Variants in SSBP2 observed in about 807,000 individuals in gnomAD.
The protein encoded by SSBP2 is single-stranded DNA-binding protein 2.
In SSBP2, 17 loss-of-function variants were observed where a neutral mutation model predicts 61.8. The ratio of observed to expected loss-of-function variants is 0.28; its 90% confidence interval spans 0.19 to 0.41. SSBP2 has a LOEUF of 0.41. SSBP2 is among the 10% of genes least tolerant of loss of function. The pLI, the probability that SSBP2 is intolerant of heterozygous loss-of-function variation, is 1.00. For synonymous variants in SSBP2, 139 were observed against 141.3 expected, an observed-to-expected ratio of 0.98 and a Z score of 0.12; for missense variants, 310 against 458.7, an observed-to-expected ratio of 0.68 and a Z score of 2.96.
intron 16 of SSBP2, among the ~76,000 whole-genome samples, chr5:81,424,832 A>C (rs1377952264): frequency 6.6e-6 from 1 of 152,210 alleles, no homozygotes; most frequent in African/African-American, 2.4e-5. Context: ...GAGACATAAA[A>C]TATTCATGGT....
chr5:81,600,210 A>G (rs560590021), intron 4 of SSBP2, among the ~76,000 whole-genome samples: 2 of 152,304 alleles, frequency 1.3e-5, no homozygotes, highest in Admixed American at 6.5e-5. Context: ...CCTGTGGATC[A>G]CAAATAATGC....
chr5:81,466,445 T>C (rs1452345135), intron 9 of SSBP2, among the ~76,000 whole-genome samples: 1 of 152,068 alleles, frequency 6.6e-6, no homozygotes, highest in African/African-American at 2.4e-5. Flanking sequence ...ATAGAGATTA[T>C]AGTATACTAC....
At chr5:81,506,678 TTAACTA>T (rs533422492) in intron 5 of SSBP2, among the ~76,000 whole-genome samples, 137 of 152,254 alleles carry the variant, frequency 9.0e-4, no homozygotes, top group African/African-American at 3.2e-3. Context: ...TGTAGATTAT[TTAACTA>T]TATGTATATA....
chr5:81,478,756 C>T (rs1765768239), intron 6 of SSBP2, among the ~76,000 whole-genome samples: 1 of 152,190 alleles, frequency 6.6e-6, no homozygotes, highest in South Asian at 2.1e-4. Context: ...TAGGTGTAAA[C>T]CACCATGCCT....
chr5:81,496,447 T>A (rs1767286056), intron 5 of SSBP2, among the ~76,000 whole-genome samples: 1 of 152,178 alleles, frequency 6.6e-6, no homozygotes, highest in African/African-American at 2.4e-5. Flanking sequence ...CCCAAAGTAC[T>A]GGGATTACAG....
At chr5:81,600,892 T>C (rs1305880487) in intron 4 of SSBP2, among the ~76,000 whole-genome samples, 1 of 152,330 alleles carries the variant, frequency 6.6e-6, no homozygotes, top group African/African-American at 2.4e-5. Flanking sequence ...GCCTTCTTTA[T>C]AACTTTTCAG....
intron 15 of SSBP2, among the ~76,000 whole-genome samples, chr5:81,430,968 G>GA (rs1157703979): frequency 6.6e-6 from 1 of 152,174 alleles, no homozygotes; most frequent in Non-Finnish European, 1.5e-5. Flanking sequence ...GAAATCTTAA[G>GA]AAAATTGTGC....
At chr5:81,668,335 T>A (rs1751334959) in intron 1 of SSBP2, among the ~76,000 whole-genome samples, 1 of 150,220 alleles carries the variant, frequency 6.7e-6, no homozygotes, top group African/African-American at 2.5e-5. Context: ...AACACAGAAT[T>A]AACATTTCTT....
intron 4 of SSBP2, among the ~76,000 whole-genome samples, chr5:81,554,176 A>T (rs1045793425): frequency 6.6e-6 from 1 of 152,106 alleles, no homozygotes; most frequent in African/African-American, 2.4e-5. Flanking sequence ...CATCTGACAC[A>T]TCTATGGCCA....
At chr5:81,573,935 T>C (rs1008015949) in intron 4 of SSBP2, among the ~76,000 whole-genome samples, 2 of 151,916 alleles carry the variant, frequency 1.3e-5, no homozygotes, top group African/African-American at 4.8e-5. Context: ...GGTCAGGAGA[T>C]TGAGACCATC....
rs986023512 is a variant in SSBP2, at chr5:81,627,534, T to C, written c.197+9023A>G. ...CATTGCACTTGTTTTCCTGTGGGTA[T>C]TTGGTTATTCTTAGCTATACCTGAT... On this transcript the variant is annotated intron_variant, in intron 3 of 16. Coordinates refer to ENST00000320672, the MANE Select transcript of SSBP2 (RefSeq NM_012446.5). 2.0e-5 allele frequency among the ~76,000 whole-genome samples: 3 copies of C among 152,326 alleles called. No homozygotes were observed. The South Asian group carries it at 6.2e-4, about 32-fold the overall frequency.
intron 5 of SSBP2, among the ~76,000 whole-genome samples, chr5:81,496,316 A>C (rs907594516): frequency 6.6e-6 from 1 of 152,054 alleles, no homozygotes; most frequent in East Asian, 1.9e-4. Context: ...AGTAGCTGGG[A>C]CTACAGGCAT....
At chr5:81,682,331 A>T (rs553202972) in intron 1 of SSBP2, among the ~76,000 whole-genome samples, 2 of 152,356 alleles carry the variant, frequency 1.3e-5, no homozygotes, top group East Asian at 1.9e-4. Flanking sequence ...GGAATTATAC[A>T]GCACAGAACC....
rs530557542 is a variant in SSBP2, at chr5:81,477,297, C to T, written c.433-2735G>A. Among the ~76,000 whole-genome samples the T allele has an allele frequency of 7.2e-5, 11 of 152,250 alleles. No individual in the cohort carries two copies. In the East Asian group the frequency reaches 1.5e-3, roughly 21 times the overall value. ...GTATATGTACATGCATATATGCACACGCATGGATCTGTGACTAATTCTATG... is the reference window on the plus strand; with the variant it reads ...GTATATGTACATGCATATATGCACATGCATGGATCTGTGACTAATTCTATG... On this transcript the variant is annotated intron_variant, in intron 6 of 16. Transcript: ENST00000320672.
intron 1 of SSBP2, among the ~76,000 whole-genome samples, chr5:81,670,893 T>C (rs1477293345): frequency 2.6e-5 from 4 of 152,240 alleles, no homozygotes; most frequent in African/African-American, 9.6e-5. Context: ...CAGTTATACC[T>C]ACTTCATCAG....
chr5:81,605,903 T>TA (rs1325264922), intron 4 of SSBP2, among the ~76,000 whole-genome samples: 1 of 152,102 alleles, frequency 6.6e-6, no homozygotes. Flanking sequence ...TGGAAATTGT[T>TA]AAGGTTGACT....
chr5:81,488,051 ATATAT>A lies in SSBP2; in HGVS notation c.432+1194_432+1198del, dbSNP rs1766552383. On this transcript the variant is annotated intron_variant, in intron 6 of 16. Transcript: ENST00000320672. Reference sequence around the variant, plus strand: ...TATATATATATATATATATATATATATATATATAAATAAAATATCATATATTATAT... The same window carrying A: ...TATATATATATATATATATATATATAATAAATAAAATATCATATATTATAT... Among the ~76,000 whole-genome samples, 4 of 55,000 alleles carry A rather than the reference ATATAT, an allele frequency of 7.3e-5. 1 individual carries two copies. Among genetic ancestry groups the A allele is most frequent in the Non-Finnish European group, 6.5e-5 (2 of 30,846 alleles). 36.1% of individuals were successfully genotyped at this position (55,000 alleles called of 152,430 possible).
intron 4 of SSBP2, among the ~76,000 whole-genome samples, chr5:81,535,570 T>C (rs1195063214): frequency 6.6e-6 from 1 of 151,978 alleles, no homozygotes; most frequent in Non-Finnish European, 1.5e-5. Flanking sequence ...AATAGGTCAA[T>C]GGAACAGAAG....
At chr5:81,735,974 G>T (rs1756575695) in intron 1 of SSBP2, among the ~76,000 whole-genome samples, 1 of 152,092 alleles carries the variant, frequency 6.6e-6, no homozygotes, top group Non-Finnish European at 1.5e-5. Context: ...ATTGTTTCCT[G>T]TTCTCAAGTT....
Sources: allele counts gnomAD v4.1 joint callset (sites outside exome capture counted in the v4.1 genomes callset), GRCh38; gene constraint gnomAD v4.1.1; transcripts MANE v1.5; gene names NCBI Gene and HGNC (gene_info 2026-07-23, HGNC 2026-07-21).